The following JAK1 variants were observed in gnomAD, a reference collection of about 807,000 sequenced individuals.
JAK1 encodes the protein tyrosine-protein kinase JAK1.
In JAK1, 16 loss-of-function variants were observed where a neutral mutation model predicts 136.6. The observed-to-expected ratio is 0.12, with a 90% CI of 0.08 to 0.18. JAK1 has a LOEUF of 0.18. JAK1 is among the 10% of genes least tolerant of loss of function. The pLI, the probability that JAK1 is intolerant of heterozygous loss-of-function variation, is 1.00. For missense variants in JAK1, 859 were observed against 1,450.1 expected (o/e 0.59, Z 6.62); for synonymous variants, 492 against 519.5 (o/e 0.95, Z 0.72).
At position 65,066,090 on chromosome 1, in the gene JAK1, G is replaced by A. The variant is rs112249635; in HGVS notation, c.-181+1514C>T. On this transcript the variant is annotated intron_variant, in intron 1 of 25. Coordinates refer to the JAK1 transcript ENST00000671954. ...GAGAGGACTAACTAAGAACCCTGGA[G>A]AGCAGGGGATTCCCTGGTTTCTCAG... Among the ~76,000 whole-genome samples, 457 of 152,296 alleles carry A rather than the reference G, an allele frequency of 3.0e-3. 1 individual carries two copies. Among genetic ancestry groups the A allele is most frequent in the African/African-American group, 9.8e-3 (407 of 41,572 alleles).
At chr1:64,974,045 A>G (rs1282210040) in intron 2 of JAK1, 1 of 152,228 alleles carries the variant, frequency 6.6e-6, no homozygotes, top group Non-Finnish European at 1.5e-5. Context: ...TGTCCACATT[A>G]TGTTTTTAGA....
intron 1 of JAK1, among the ~76,000 whole-genome samples, chr1:64,956,809 G>A (rs533833672): frequency 7.2e-5 from 11 of 152,282 alleles, no homozygotes; most frequent in Non-Finnish European, 1.3e-4. Flanking sequence ...CACAGTTTTC[G>A]CAACATATAA....
At chr1:64,834,877 G>A (rs1231295155) in intron 24 of JAK1, among the ~76,000 whole-genome samples, 1 of 152,144 alleles carries the variant, frequency 6.6e-6, no homozygotes, top group Non-Finnish European at 1.5e-5. Context: ...AGGGTTGACT[G>A]GCTGCAATAA....
intron 1 of JAK1, among the ~76,000 whole-genome samples, chr1:64,917,068 T>C (rs541151873): frequency 4.5e-4 from 69 of 152,042 alleles, no homozygotes; most frequent in African/African-American, 1.5e-3. Context: ...ATCAAAACAA[T>C]GGAGAAAAAG....
chr1:64,916,737 C>T (rs549766367), intron 1 of JAK1, among the ~76,000 whole-genome samples: 1 of 151,404 alleles, frequency 6.6e-6, no homozygotes, highest in East Asian at 1.9e-4. Flanking sequence ...ACTGAGGAGG[C>T]TGAGGTGGGA....
rs761703123 is a variant in JAK1 at position 64,850,929 on chromosome 1, G to C, written c.1649-19C>G. 2 of 1,542,840 alleles carry C rather than the reference G, an allele frequency of 1.3e-6. No individual in the cohort carries two copies. Among genetic ancestry groups the C allele is most frequent in the Admixed American group, 1.7e-5 (1 of 59,776 alleles). On this transcript the variant is annotated intron_variant, in intron 11 of 24. Coordinates refer to ENST00000342505, the MANE Select transcript of JAK1 (RefSeq NM_002227.4). ...GAGATTTCTGTGGAAGAGATTGGGGGAGTCTGAGCACAGCACCCAAGATCC... is the reference window on the plus strand; with the variant it reads ...GAGATTTCTGTGGAAGAGATTGGGGCAGTCTGAGCACAGCACCCAAGATCC...
intron 1 of JAK1, among the ~76,000 whole-genome samples, chr1:64,965,289 G>A (rs1018869759): frequency 6.6e-6 from 1 of 152,114 alleles, no homozygotes; most frequent in Admixed American, 6.5e-5. Flanking sequence ...AAGTGTCAAT[G>A]ACATGTATAG....
At chr1:64,900,651 T>C (rs1259509355) in intron 1 of JAK1, among the ~76,000 whole-genome samples, 1 of 152,154 alleles carries the variant, frequency 6.6e-6, no homozygotes, top group Non-Finnish European at 1.5e-5. Context: ...ACTGCAACAA[T>C]CTCCTGAAAG....
At chr1:65,010,279 C>G (rs1646837635) in intron 2 of JAK1, among the ~76,000 whole-genome samples, 1 of 152,190 alleles carries the variant, frequency 6.6e-6, no homozygotes, top group Non-Finnish European at 1.5e-5. Flanking sequence ...CCTGTTCTCT[C>G]TTATGCTTGC....
At chr1:64,938,821 T>C (rs1265218306) in intron 1 of JAK1, among the ~76,000 whole-genome samples, 1 of 152,232 alleles carries the variant, frequency 6.6e-6, no homozygotes, top group Non-Finnish European at 1.5e-5. Flanking sequence ...TAGAGGTAGA[T>C]GGCAGCACCA....
At chr1:64,947,356 C>G (rs11208553) in intron 1 of JAK1, among the ~76,000 whole-genome samples, 6,689 of 152,292 alleles carry the variant, frequency 0.044, 247 homozygotes, top group Admixed American at 0.14. Context: ...GACCCCCATC[C>G]ATGCCTGCAC....
At chr1:64,961,532 C>T (rs1260935691) in intron 1 of JAK1, among the ~76,000 whole-genome samples, 2 of 152,126 alleles carry the variant, frequency 1.3e-5, no homozygotes, top group Admixed American at 6.5e-5. Flanking sequence ...GAAAGAGCTA[C>T]GGTCTTCACA....
intron 2 of JAK1, among the ~76,000 whole-genome samples, chr1:65,025,677 C>A (rs1646971862): frequency 6.6e-6 from 1 of 151,574 alleles, no homozygotes; most frequent in South Asian, 2.1e-4. Context: ...TTCTTTCTTT[C>A]TTTTTTCTTT....
At position 64,834,655 on chromosome 1, in the gene JAK1, A is replaced by C. The variant is rs1312802715; in HGVS notation, c.3372T>G (p.Val1124=). Residue 1124 remains valine (V), a splice_region_variant and synonymous_variant, in exon 25 of 25, where the codon GTT becomes GTG. Coordinates refer to ENST00000342505, the MANE Select transcript of JAK1 (RefSeq NM_002227.4). ...CCCAGCATTTCCTCATAAGTTGATAAACCTGTAAAAAGAAAGAAGTAACAA... is the reference window on the plus strand; with the variant it reads ...CCCAGCATTTCCTCATAAGTTGATACACCTGTAAAAAGAAAGAAGTAACAA... ...LPCPPNCPDE[V]YQLMRKCWEF... is the part of the protein sequence containing the mutation. The C allele has an allele frequency of 1.9e-6, 3 of 1,598,488 alleles. No individual in the cohort carries two copies. Among genetic ancestry groups the C allele is most frequent in the Non-Finnish European group, 2.6e-6 (3 of 1,166,890 alleles).
intron 1 of JAK1, among the ~76,000 whole-genome samples, chr1:65,047,865 G>C (rs556790320): frequency 6.6e-6 from 1 of 152,244 alleles, no homozygotes; most frequent in South Asian, 2.1e-4. Flanking sequence ...GGCAGAAAAA[G>C]GGACAGGGAG....
chr1:64,842,623 A>G (rs565141857), intron 17 of JAK1, among the ~76,000 whole-genome samples: 2 of 152,258 alleles, frequency 1.3e-5, no homozygotes, highest in South Asian at 4.1e-4. Context: ...AGAGACCCCT[A>G]TTTTATTAAA....
intron 1 of JAK1, among the ~76,000 whole-genome samples, chr1:65,063,325 G>T (rs1647890573): frequency 6.6e-6 from 1 of 152,158 alleles, no homozygotes; most frequent in Admixed American, 6.5e-5. Flanking sequence ...GGGTATGTGG[G>T]TATCCCAATT....
At chr1:64,966,299 C>A (rs1347861096) in intron 1 of JAK1, 34 bp downstream of exon 1, 3 of 152,552 alleles carry the variant, frequency 2.0e-5, no homozygotes, top group Non-Finnish European at 4.4e-5. Context: ...ACCGCGGCCG[C>A]CCCGGCTCCT....
At chr1:65,046,794 C>T (rs932299365) in intron 1 of JAK1, among the ~76,000 whole-genome samples, 2 of 151,452 alleles carry the variant, frequency 1.3e-5, no homozygotes, top group Admixed American at 1.3e-4. Context: ...AAGTGATCCA[C>T]TCGCCTCAGT....
Sources: gnomAD v4.1 joint callset for allele counts (sites outside exome capture counted in the v4.1 genomes callset) on GRCh38, gnomAD v4.1.1 for gene constraint, MANE v1.5 for transcripts, NCBI Gene and HGNC (gene_info 2026-07-23, HGNC 2026-07-21) for gene names.